Variants in PTRH1 observed in about 807,000 individuals in gnomAD.
PTRH1 encodes peptidyl-tRNA hydrolase 1 homolog, also known as peptidyl-tRNA hydrolase.
Under a neutral mutation model 15.7 loss-of-function variants are expected in PTRH1, and 13 were observed. The observed-to-expected ratio is 0.83, with a 90% confidence interval of 0.54 to 1.31. The LOEUF is 1.31. Ranked by LOEUF, PTRH1 falls within the 40% of genes most tolerant of loss-of-function variation. The probability of loss-of-function intolerance (pLI) is 0.00; values close to 1 mark genes in which losing one functional copy is unlikely to be tolerated. For missense variants in PTRH1, 319 were observed against 296.2 expected (o/e 1.08, Z -0.56); for synonymous variants, 139 against 136.7 (o/e 1.02, Z -0.12).
chr9:127,699,570 C>T (rs1842588846), intron 1 of PTRH1, among the ~76,000 whole-genome samples: 1 of 152,130 alleles, frequency 6.6e-6, no homozygotes, highest in Non-Finnish European at 1.5e-5. Flanking sequence ...GTTGGTCATT[C>T]TATCTGGGTG....
chr9:127,711,106 C>G, downstream of PTRH1: 1 of 1,289,900 alleles, frequency 7.8e-7, no homozygotes, highest in Non-Finnish European at 1.1e-6. Flanking sequence ...AGCCCCAACC[C>G]TCCCAGGGAG....
chr9:127,694,607 T>C (rs1282423050), intron 2 of PTRH1, among the ~76,000 whole-genome samples: 1 of 151,806 alleles, frequency 6.6e-6, no homozygotes, highest in Non-Finnish European at 1.5e-5. Context: ...TAAATATCCT[T>C]GGAGGAGCAG....
At chr9:127,703,593 T>TC (rs1474746446) in intron 1 of PTRH1, among the ~76,000 whole-genome samples, 1 of 152,126 alleles carries the variant, frequency 6.6e-6, no homozygotes, top group Admixed American at 6.5e-5. Flanking sequence ...CAAAAGTGAG[T>TC]CCCCTCGGCA....
chr9:127,695,412 T>C, intron 1 of PTRH1: 1 of 427,892 alleles, frequency 2.3e-6, no homozygotes, highest in African/African-American at 2.0e-5. Context: ...CAACTCAGTA[T>C]CCTGGAGGCT....
chr9:127,694,939 C>T (rs1356647048), exon 2 of PTRH1: 2 of 698,574 alleles, frequency 2.9e-6, no homozygotes, highest in African/African-American at 1.7e-5. Flanking sequence ...GGGTTAAATC[C>T]ACCCTTGGCC....
chr9:127,715,322 G>C lies in PTRH1; in HGVS notation c.97-128C>G, dbSNP rs1842935218. 1 of 1,297,678 alleles carries C rather than the reference G, an allele frequency of 7.7e-7. No homozygotes were observed. The highest frequency in any genetic ancestry group is 2.5e-5 in the East Asian group (1 of 39,826). 80.4% of individuals were successfully genotyped at this position (1,297,678 alleles called of 1,614,324 possible). ...CGCTGCAGTGGGGAAGGGGCGCGAA[G>C]AAGGGGCCCAGAAACCCGACCCCTG... On this transcript the variant is annotated intron_variant, in intron 1 of 4. Coordinates refer to ENST00000543175, the MANE Select transcript of PTRH1 (RefSeq NM_001002913.3). The surrounding 1 kb of genome is among the most constrained non-coding windows in gnomAD (Gnocchi z 5.8).
In PTRH1 at chr9:127,714,072, G is replaced by A; in HGVS notation, c.*28C>T. 6.2e-7 allele frequency: 1 copy of A among 1,606,520 alleles called. No individual in the cohort carries two copies. Among genetic ancestry groups the A allele is most frequent in the South Asian group, 1.1e-5 (1 of 90,518 alleles). On this transcript the variant is annotated 3_prime_UTR_variant, in exon 5 of 5. Coordinates refer to ENST00000543175, the MANE Select transcript of PTRH1 (RefSeq NM_001002913.3). Reference sequence around the variant, plus strand: ...AGTGGCTGGGTTGGTGGGCACTACAGTCAGGCAGGCAGCCATGGCCACTAG... The same window carrying A: ...AGTGGCTGGGTTGGTGGGCACTACAATCAGGCAGGCAGCCATGGCCACTAG...
rs774212928 is a variant in PTRH1, at chr9:127,715,659, A to G, written c.-20T>C. The G allele has an allele frequency of 4.4e-6, 7 of 1,607,234 alleles. No individual in the cohort carries two copies. The South Asian group carries it at 6.6e-5, about 15-fold the overall frequency. ...CCTCATGCTGCCCCCATTCACTCCGACACCGCCCCCTGACGTCATCACCCC... is the reference window on the plus strand; with the variant it reads ...CCTCATGCTGCCCCCATTCACTCCGGCACCGCCCCCTGACGTCATCACCCC... On this transcript the variant is annotated 5_prime_UTR_variant, in exon 1 of 5. Coordinates refer to ENST00000543175, the MANE Select transcript of PTRH1 (RefSeq NM_001002913.3). The surrounding 1 kb of genome is among the most constrained non-coding windows in gnomAD (Gnocchi z 5.8).
chr9:127,712,230 GAGC>G (rs1410133509), downstream of PTRH1: 6 of 1,613,886 alleles, frequency 3.7e-6, no homozygotes, highest in Non-Finnish European at 4.2e-6. Context: ...CCTGCAGCTG[GAGC>G]AGCAGCAGGT....
chr9:127,715,376 C>A lies in PTRH1; in HGVS notation c.96+168G>T, dbSNP rs1046896173. 3.2e-6 allele frequency: 4 copies of A among 1,245,516 alleles called. No individual in the cohort carries two copies. The African/African-American group carries it at 4.5e-5, about 14-fold the overall frequency. The allele number at this position is 1,245,516 out of a possible 1,614,324, so 77.2% of individuals were successfully genotyped here. On this transcript the variant is annotated intron_variant, in intron 1 of 4. Transcript: ENST00000543175. This position sits in a 1 kb window ranked among gnomAD's most constrained non-coding sequence, Gnocchi z 5.8. ...ACTCCAGAAGGCTGGGCAGGCAGGGCGCCCTAGTGCAGGAACGGAGCTTCA... is the reference window on the plus strand; with the variant it reads ...ACTCCAGAAGGCTGGGCAGGCAGGGAGCCCTAGTGCAGGAACGGAGCTTCA...
At chr9:127,702,322 A>G (rs980354342) in intron 1 of PTRH1, among the ~76,000 whole-genome samples, 4 of 151,470 alleles carry the variant, frequency 2.6e-5, no homozygotes, top group Admixed American at 2.0e-4. Context: ...GCAGTGAGCC[A>G]AGATCGCACC....
At chr9:127,713,438 C>CAGCAGG, downstream of PTRH1, 1 of 478,958 alleles carries the variant, frequency 2.1e-6, no homozygotes, top group Non-Finnish European at 3.6e-6. Context: ...CCTCCCCCAC[C>CAGCAGG]AGCAGGGAAA....
At chr9:127,694,387 T>G (rs73601691) in intron 2 of PTRH1, among the ~76,000 whole-genome samples, 9,703 of 152,202 alleles carry the variant, frequency 0.064, 993 homozygotes, top group African/African-American at 0.21. Flanking sequence ...GTCCCTCCAA[T>G]CTCCTGGGAG....
downstream of PTRH1, chr9:127,711,693 T>C (rs1205191368): frequency 2.5e-6 from 3 of 1,219,430 alleles, no homozygotes; most frequent in East Asian, 2.6e-5. Context: ...CCATAACTTA[T>C]GGAAGCAGAG....
At chr9:127,709,474 G>A (rs757589198), downstream of PTRH1, 9 of 1,614,032 alleles carry the variant, frequency 5.6e-6, no homozygotes, top group South Asian at 8.8e-5. The surrounding 1 kb of genome is among the most constrained non-coding windows in gnomAD (Gnocchi z 4.7). Context: ...GTTCCGCCAG[G>A]AGTTTGAGCA....
Position 127,714,363 on chromosome 9 carries a change from A to G in PTRH1, c.462+16T>C, listed in dbSNP as rs141882314. ...GGCCCACCCGACCCAGTTGCACAAC[A>G]AAAGGGTAGACTCACATTGGAGTTG... On this transcript the variant is annotated intron_variant, in intron 4 of 4. Transcript: ENST00000543175. 2.5e-6 allele frequency: 4 copies of G among 1,614,210 alleles called. No individual in the cohort carries two copies. In the African/African-American group the frequency reaches 4.0e-5, roughly 16 times the overall value.
At chr9:127,697,412 C>T (rs1842569864) in intron 1 of PTRH1, among the ~76,000 whole-genome samples, 1 of 152,156 alleles carries the variant, frequency 6.6e-6, no homozygotes, top group Non-Finnish European at 1.5e-5. Flanking sequence ...GTAATCCCAG[C>T]ACTTTGGGAG....
chr9:127,712,132 C>A (rs1444198644), downstream of PTRH1: 47 of 1,585,784 alleles, frequency 3.0e-5, no homozygotes, highest in Non-Finnish European at 4.0e-5. Context: ...GGCAGGGCCC[C>A]TGGCCCCAGG....
rs771549697 is a variant in PTRH1, at chr9:127,714,439, G to C, written c.417-15C>G. 6.2e-7 allele frequency: 1 copy of C among 1,614,138 alleles called. No individual in the cohort carries two copies. Among genetic ancestry groups the C allele is most frequent in the Admixed American group, 1.7e-5 (1 of 60,026 alleles). ...CATTGTGGCCCCTTCAAGGGATATG[G>C]GAGGGGCAGTTAGTGCCTCCCTGGG... is the stretch of plus-strand genomic sequence containing the variant. On this transcript the variant is annotated splice_polypyrimidine_tract_variant and intron_variant, in intron 3 of 4. Coordinates refer to ENST00000543175, the MANE Select transcript of PTRH1 (RefSeq NM_001002913.3).
Sources: allele counts gnomAD v4.1 joint callset (sites outside exome capture counted in the v4.1 genomes callset), GRCh38; gene constraint gnomAD v4.1.1; non-coding constraint Gnocchi (gnomAD v3.1); transcripts MANE v1.5; gene names NCBI Gene and HGNC (gene_info 2026-07-23, HGNC 2026-07-21).